IQSEC1: variants seen among roughly 807,000 people sequenced by gnomAD.
The protein encoded by IQSEC1 is IQ motif and Sec7 domain ArfGEF 1.
IQSEC1 carries 31 observed loss-of-function variants against 91.0 expected under a neutral mutation model. That is an observed-to-expected ratio of 0.34 (90% confidence interval 0.26 to 0.46). IQSEC1 has a LOEUF of 0.46. Ranked by LOEUF, IQSEC1 falls within the 20% of genes least tolerant of loss-of-function variation. The pLI is 1.00. For missense variants in IQSEC1, 1,388 were observed against 1,575.6 expected, an observed-to-expected ratio of 0.88 and a Z score of 2.02; for synonymous variants, 699 against 662.6, an observed-to-expected ratio of 1.05 and a Z score of -0.84.
intron 1 of IQSEC1, among the ~76,000 whole-genome samples, chr3:12,998,788 GAGGGTGAA>G (rs1051954832): frequency 6.6e-5 from 10 of 152,040 alleles, no homozygotes; most frequent in South Asian, 2.1e-4. Flanking sequence ...GGTGATGACC[GAGGGTGAA>G]CTGTGGAGAC....
At chr3:13,135,101 C>T (rs1252961710) in intron 2 of IQSEC1, among the ~76,000 whole-genome samples, 1 of 152,174 alleles carries the variant, frequency 6.6e-6, no homozygotes, top group East Asian at 1.9e-4. Context: ...GATGACTTCC[C>T]CACTCTGAGC....
intron 1 of IQSEC1, chr3:12,987,074 G>A (rs1362988312): frequency 1.3e-5 from 5 of 386,472 alleles, no homozygotes; most frequent in East Asian, 1.8e-4. Context: ...TCCCTCAGCC[G>A]TCCCCCATCT....
At chr3:12,990,597 C>G (rs1462910967) in intron 1 of IQSEC1, among the ~76,000 whole-genome samples, 3 of 152,178 alleles carry the variant, frequency 2.0e-5, no homozygotes, top group Admixed American at 1.3e-4. Flanking sequence ...ACACGGCACG[C>G]AGGGATTTAT....
intron 1 of IQSEC1, among the ~76,000 whole-genome samples, chr3:13,025,537 T>G (rs693327): frequency 0.58 from 88,159 of 151,502 alleles, 26,447 homozygotes; most frequent in Non-Finnish European, 0.67. Context: ...TCTGGAAGCT[T>G]AGTGAGGGTC....
chr3:13,237,850 G>C (rs1189121384), intron 1 of IQSEC1, among the ~76,000 whole-genome samples: 1 of 152,232 alleles, frequency 6.6e-6, no homozygotes, highest in African/African-American at 2.4e-5. Flanking sequence ...GAGGAGACCA[G>C]GAGCTCAACC....
At chr3:13,060,412 G>C (rs1407673366) in intron 1 of IQSEC1, among the ~76,000 whole-genome samples, 1 of 152,218 alleles carries the variant, frequency 6.6e-6, no homozygotes, top group Non-Finnish European at 1.5e-5. Flanking sequence ...CTTACGGCTG[G>C]ATCCGGGTTT....
chr3:13,116,662 AG>A (rs1307100715), intron 2 of IQSEC1, among the ~76,000 whole-genome samples: 6 of 152,132 alleles, frequency 3.9e-5, no homozygotes, highest in Admixed American at 3.3e-4. Context: ...GCACTTCGGG[AG>A]GCCAAGGTGG....
chr3:12,901,644 G>GA, intron 13 of IQSEC1, 122 bp from the exon 14 acceptor site: 1 of 831,678 alleles, frequency 1.2e-6, no homozygotes, highest in African/African-American at 1.7e-5. Flanking sequence ...TCAACTCACT[G>GA]GCCAGAGGGT....
rs367591945 is a variant in IQSEC1 at position 12,941,670 on chromosome 3, C to T, written c.219G>A (p.Ser73=). 4.5e-5 allele frequency: 72 copies of T among 1,612,874 alleles called. No individual in the cohort carries two copies. The highest frequency in any genetic ancestry group is 5.5e-5 in the Non-Finnish European group (65 of 1,179,944). Residue 73 remains serine (S), a synonymous_variant, in exon 2 of 14, where the codon TCG becomes TCA. Coordinates refer to ENST00000613206, the MANE Select transcript of IQSEC1 (RefSeq NM_001134382.3). ...QRTRRPKLQH[S]TSILRKQAEE... is the part of the protein sequence containing the mutation. ...CAGCCTGCTTGCGCAGGATGGAGGT[C>T]GAGTGCTGCAGCTTGGGCCTCCGCG...
intron 1 of IQSEC1, among the ~76,000 whole-genome samples, chr3:12,947,655 C>A (rs1699271892): frequency 6.6e-6 from 1 of 152,186 alleles, no homozygotes. Flanking sequence ...CCTGGATGGG[C>A]CCCTGGTGGT....
intron 1 of IQSEC1, among the ~76,000 whole-genome samples, chr3:12,978,088 A>G (rs1701272173): frequency 6.6e-6 from 1 of 152,250 alleles, no homozygotes; most frequent in South Asian, 2.1e-4. Context: ...GTAATTCACA[A>G]TTGGCGTCAA....
At chr3:13,095,292 T>A (rs969144444) in intron 2 of IQSEC1, among the ~76,000 whole-genome samples, 1 of 151,964 alleles carries the variant, frequency 6.6e-6, no homozygotes, top group Non-Finnish European at 1.5e-5. Context: ...TCCCAGGGCA[T>A]CTCTGAGGAA....
rs530928281 is a variant in IQSEC1 at position 13,164,281 on chromosome 3, C to T, written c.273-148G>A. On this transcript the variant is annotated intron_variant, in intron 1 of 15. Coordinates refer to the IQSEC1 transcript ENST00000648114. Reference sequence around the variant, plus strand: ...GCAGACATCCGCAGGCCCAATCCTCCGGGGTCTCTTGCTGCTGTTCCTTTG... The same window carrying T: ...GCAGACATCCGCAGGCCCAATCCTCTGGGGTCTCTTGCTGCTGTTCCTTTG... Among the ~76,000 whole-genome samples the T allele has an allele frequency of 3.6e-4, 55 of 152,280 alleles. 1 individual carries two copies. Among genetic ancestry groups the T allele is most frequent in the African/African-American group, 1.2e-3 (51 of 41,552 alleles).
At chr3:13,176,363 T>C (rs373488072) in intron 1 of IQSEC1, among the ~76,000 whole-genome samples, 1 of 152,132 alleles carries the variant, frequency 6.6e-6, no homozygotes, top group African/African-American at 2.4e-5. Context: ...AGCAGAAAAC[T>C]GCTACTAGAG....
intron 1 of IQSEC1, among the ~76,000 whole-genome samples, chr3:12,985,603 A>T (rs1205832947): frequency 1.3e-5 from 2 of 151,868 alleles, no homozygotes; most frequent in Non-Finnish European, 2.9e-5. Flanking sequence ...TTCTGGAGGG[A>T]GGCAGCAGCC....
At chr3:13,010,865 G>T (rs1702853140) in intron 1 of IQSEC1, among the ~76,000 whole-genome samples, 1 of 152,006 alleles carries the variant, frequency 6.6e-6, no homozygotes, top group South Asian at 2.1e-4. Flanking sequence ...TATCACCCAA[G>T]ACTGCTGTTT....
chr3:12,945,077 C>T (rs938617787), intron 1 of IQSEC1, among the ~76,000 whole-genome samples: 1 of 152,102 alleles, frequency 6.6e-6, no homozygotes, highest in Non-Finnish European at 1.5e-5. Flanking sequence ...CAGTTGGCCG[C>T]GGTGTGGGGC....
At chr3:12,954,767 A>G (rs530070474) in intron 1 of IQSEC1, among the ~76,000 whole-genome samples, 2 of 152,334 alleles carry the variant, frequency 1.3e-5, no homozygotes, top group South Asian at 4.1e-4. Context: ...AATCTGCTCA[A>G]TGAATGAATG....
Position 13,068,142 on chromosome 3 carries a change from C to T in IQSEC1, c.23+4850G>A, listed in dbSNP as rs541019756. On this transcript the variant is annotated intron_variant, in intron 1 of 13. Coordinates refer to ENST00000613206, the MANE Select transcript of IQSEC1 (RefSeq NM_001134382.3). ...CTGACCAAGGCCCAGCAGGGTCCTG[C>T]CCCGGGGCTGGGGCCAATCCAGGCC... is the stretch of plus-strand genomic sequence containing the variant. 1.8e-3 allele frequency among the ~76,000 whole-genome samples: 279 copies of T among 152,360 alleles called. 1 individual carries two copies. The highest frequency in any genetic ancestry group is 6.6e-3 in the African/African-American group (273 of 41,588).
Sources: allele counts gnomAD v4.1 joint callset (sites outside exome capture counted in the v4.1 genomes callset), GRCh38; gene constraint gnomAD v4.1.1; transcripts MANE v1.5; gene names NCBI Gene and HGNC (gene_info 2026-07-23, HGNC 2026-07-21).